The following KANK2 variants were observed in gnomAD, a reference collection of about 807,000 sequenced individuals.
KANK2 encodes KN motif and ankyrin repeat domains 2.
In KANK2, 41 loss-of-function variants were observed where a neutral mutation model predicts 74.6. The ratio of observed to expected loss-of-function variants is 0.55; its 90% CI spans 0.43 to 0.71. The LOEUF (loss-of-function observed/expected upper bound fraction) is 0.71, where lower values mean the gene tolerates loss of function less well. KANK2 is among the 30% of genes least tolerant of loss of function. The pLI is 0.00. For missense variants in KANK2, 1,148 were observed against 1,196.4 expected (o/e 0.96, Z 0.60); for synonymous variants, 537 against 519.0 (o/e 1.03, Z -0.47).
rs781246871 is a variant in KANK2 at position 11,193,675 on chromosome 19, G to A, written c.405C>T (p.Leu135=). 1.5e-5 allele frequency: 24 copies of A among 1,605,852 alleles called. No homozygotes were observed. The highest frequency in any genetic ancestry group is 1.3e-4 in the African/African-American group (10 of 74,770). ...CGGTGGGTGTGGCCGCCTGGTCCTC[G>A]AGACGGCGACGGGCATCCAGCAGCG... ...ERTLLDARRR[L]EDQAATPTGL... is the part of the protein sequence containing the mutation. The change falls in exon 4 of 13, where the codon CTC becomes CTT. Residue 135 remains leucine, a synonymous_variant. Coordinates refer to ENST00000586659, the MANE Select transcript of KANK2 (RefSeq NM_001136191.3). The surrounding 1 kb of genome is among the most constrained non-coding windows in gnomAD (Gnocchi z 9.6).
intron 4 of KANK2, among the ~76,000 whole-genome samples, chr19:11,191,270 G>A (rs2078836497): frequency 6.6e-6 from 1 of 151,988 alleles, no homozygotes; most frequent in Non-Finnish European, 1.5e-5. Context: ...TGAACTCCTG[G>A]CCTCAAGCGA....
chr19:11,182,531 A>AAAT (rs2078551897), intron 4 of KANK2, among the ~76,000 whole-genome samples: 1 of 146,540 alleles, frequency 6.8e-6, no homozygotes, highest in Non-Finnish European at 1.5e-5. Flanking sequence ...ATCTTTAAAA[A>AAAT]AAAAAACAAA....
At chr19:11,173,301 T>G (rs1456211318) in intron 9 of KANK2, among the ~76,000 whole-genome samples, 178 bp from the exon 10 acceptor site, 2 of 152,220 alleles carry the variant, frequency 1.3e-5, no homozygotes, top group African/African-American at 4.8e-5. Context: ...CTCCTAAAGT[T>G]GGAGACAGTT....
At position 11,164,655 on chromosome 19, in the gene KANK2, A is replaced by G. The variant is rs1419282077; in HGVS notation, c.*1903T>C. The G allele has an allele frequency of 1.3e-5, 2 of 150,422 alleles. No individual in the cohort carries two copies. Among genetic ancestry groups the G allele is most frequent in the Non-Finnish European group, 3.0e-5 (2 of 67,382 alleles). The allele number at this position is 150,422 out of a possible 1,614,324, so 9.3% of individuals were successfully genotyped here. A position where few individuals can be genotyped will look rare whatever the true frequency, so the allele number is the denominator to read the frequency against. On this transcript the variant is annotated 3_prime_UTR_variant, in exon 13 of 13. Transcript: ENST00000586659. ...CAGACACCCACAATTAATTGTTTCCAATCAGCTTTGGTTTTGTTTTCTCTG... is the reference window on the plus strand; with the variant it reads ...CAGACACCCACAATTAATTGTTTCCGATCAGCTTTGGTTTTGTTTTCTCTG...
At chr19:11,180,999 A>G (rs2078496652) in intron 4 of KANK2, among the ~76,000 whole-genome samples, 1 of 148,466 alleles carries the variant, frequency 6.7e-6, no homozygotes, top group Non-Finnish European at 1.5e-5. Context: ...AGGCAGGACA[A>G]TCGCTTGAAC....
chr19:11,196,595 G>C (rs924921554), intron 1 of KANK2: 1 of 152,158 alleles, frequency 6.6e-6, no homozygotes, highest in Non-Finnish European at 1.5e-5. Context: ...TCCCAGATAC[G>C]GAGACTGAGG....
At position 11,193,910 on chromosome 19, in the gene KANK2, T is replaced by G. The variant is rs776112771; in HGVS notation, c.170A>C (p.His57Pro). 6.2e-7 allele frequency: 1 copy of G among 1,613,834 alleles called. No individual in the cohort carries two copies. The highest frequency in any genetic ancestry group is 8.5e-7 in the Non-Finnish European group (1 of 1,179,988). The change falls in exon 4 of 13, where the codon CAC (histidine) becomes CCC (proline). Residue 57 changes from histidine to proline, a missense_variant. Transcript: ENST00000586659. This position sits in a 1 kb window ranked among gnomAD's most constrained non-coding sequence, Gnocchi z 9.6. ...CTGCACTGCCACGCGTCGCAGCGTG[T>G]GGCCCTTCTCGATGTCATCCACGTA... ...LKYVDDIEKGHTLRRVAVQRR... is the reference protein window; with the variant it reads ...LKYVDDIEKGPTLRRVAVQRR...
intron 4 of KANK2, 136 bp downstream of exon 4, chr19:11,192,695 A>G (rs1345288653): frequency 1.8e-6 from 2 of 1,097,524 alleles, no homozygotes; most frequent in Non-Finnish European, 2.7e-6. Context: ...TCGGCCTCCC[A>G]AAGTGCTGGG....
intron 4 of KANK2, among the ~76,000 whole-genome samples, chr19:11,184,816 CTT>C (rs1298003696): frequency 4.4e-5 from 6 of 137,844 alleles, no homozygotes; most frequent in Admixed American, 7.5e-5. Context: ...TCTTTTTTTT[CTT>C]TTTTTTTTTT....
At chr19:11,178,308 G>C (rs750179377) in intron 6 of KANK2, 37 bp downstream of exon 6, 1 of 790,778 alleles carries the variant, frequency 1.3e-6, no homozygotes, top group Non-Finnish European at 1.7e-6. Flanking sequence ...GGAGGGGCGG[G>C]AAGTATGGGG....
In KANK2 at chr19:11,174,361, C is replaced by A; in HGVS notation, c.2068+112G>T. ...CTCTATTATACTGAGAAGGCCGCGT[C>A]TCCTCCATCATCTTCCCCATCAGAT... is the stretch of plus-strand genomic sequence containing the variant. On this transcript the variant is annotated intron_variant, in intron 9 of 12. Transcript: ENST00000586659. The A allele has an allele frequency of 3.5e-6, 3 of 866,348 alleles. No individual in the cohort carries two copies. The Admixed American group carries it at 6.2e-5, about 18-fold the overall frequency. 53.7% of individuals were successfully genotyped at this position (866,348 alleles called of 1,614,324 possible). A position where few individuals can be genotyped will look rare whatever the true frequency, so the allele number is the denominator to read the frequency against.
At chr19:11,181,754 TGAAGGG>T (rs904858341) in intron 4 of KANK2, among the ~76,000 whole-genome samples, 1 of 151,854 alleles carries the variant, frequency 6.6e-6, no homozygotes, top group African/African-American at 2.4e-5. Context: ...TTTGGGAGGC[TGAAGGG>T]GGAGGATCAC....
Position 11,193,071 on chromosome 19 carries a change from G to A in KANK2, c.1009C>T (p.Arg337Trp), listed in dbSNP as rs767909382. 1.6e-5 allele frequency: 26 copies of A among 1,609,944 alleles called. No individual in the cohort carries two copies. Among genetic ancestry groups the A allele is most frequent in the East Asian group, 2.2e-5 (1 of 44,788 alleles). The change falls in exon 4 of 13, where the codon CGG becomes TGG. Residue 337 changes from arginine (R) to tryptophan (W), a missense_variant. Coordinates refer to ENST00000586659, the MANE Select transcript of KANK2 (RefSeq NM_001136191.3). The surrounding 1 kb of genome is among the most constrained non-coding windows in gnomAD (Gnocchi z 9.6). ...VDTVRVVEGP[R>W]EVEVVASTAA... Reference sequence around the variant, plus strand: ...GTGCTGGCCACCACCTCCACCTCCCGTGGCCCTTCTACCACCCGGACTGTA... The same window carrying A: ...GTGCTGGCCACCACCTCCACCTCCCATGGCCCTTCTACCACCCGGACTGTA...
In KANK2 at chr19:11,164,720, ATCCATC is replaced by A. The variant is rs1568638336; in HGVS notation, c.*1832_*1837del. The A allele has an allele frequency of 1.5e-3, 168 of 111,722 alleles. No individual in the cohort carries two copies. The highest frequency in any genetic ancestry group is 4.0e-3 in the African/African-American group (143 of 35,574). 6.9% of individuals were successfully genotyped at this position (111,722 alleles called of 1,614,324 possible). A position where few individuals can be genotyped will look rare whatever the true frequency, so the allele number is the denominator to read the frequency against. ...ACACCATCTATCTATTCATCCATCC[ATCCATC>A]CATCCATCCATCCATCCATCCATCC... is the stretch of plus-strand genomic sequence containing the variant. On this transcript the variant is annotated 3_prime_UTR_variant, in exon 13 of 13. Coordinates refer to ENST00000586659, the MANE Select transcript of KANK2 (RefSeq NM_001136191.3).
intron 7 of KANK2, 132 bp from the exon 8 acceptor site, chr19:11,176,121 G>A (rs1192989525): frequency 6.0e-5 from 39 of 646,284 alleles, no homozygotes; most frequent in Middle Eastern, 5.2e-4. Context: ...TCCTTCACCC[G>A]GGACACACAT....
At chr19:11,180,973 T>C (rs904751815) in intron 4 of KANK2, among the ~76,000 whole-genome samples, 2 of 150,824 alleles carry the variant, frequency 1.3e-5, no homozygotes, top group Admixed American at 6.6e-5. Context: ...TGTGATCCCA[T>C]CTATTTGGGA....
At chr19:11,194,611 C>A (rs920408667) in intron 2 of KANK2, 21 bp from the exon 3 acceptor site, 4 of 961,636 alleles carry the variant, frequency 4.2e-6, no homozygotes, top group African/African-American at 1.6e-5. Context: ...AGAACCACGG[C>A]GCCGGGAGTT....
chr19:11,189,770 G>A (rs1242109782), intron 4 of KANK2, among the ~76,000 whole-genome samples: 1 of 152,152 alleles, frequency 6.6e-6, no homozygotes, highest in Non-Finnish European at 1.5e-5. Context: ...AAAGAAGGTG[G>A]ACATCGCTAT....
chr19:11,197,452 T>C (rs1028164667), intron 1 of KANK2, 33 bp downstream of exon 1: 12 of 151,954 alleles, frequency 7.9e-5, no homozygotes, highest in Non-Finnish European at 1.0e-4. Context: ...CGAACCAGAC[T>C]TGAACCCCTA....
Sources: allele counts gnomAD v4.1 joint callset (sites outside exome capture counted in the v4.1 genomes callset), GRCh38; gene constraint gnomAD v4.1.1; non-coding constraint Gnocchi (gnomAD v3.1); transcripts MANE v1.5; gene names NCBI Gene and HGNC (gene_info 2026-07-23, HGNC 2026-07-21).